The following KIAA1217 variants were observed in gnomAD, a reference collection of about 807,000 sequenced individuals.
KIAA1217 encodes the protein KIAA1217.
Under a neutral mutation model 163.9 loss-of-function variants are expected in KIAA1217, and 88 were observed. The observed-to-expected ratio is 0.54, with a 90% confidence interval of 0.45 to 0.64. KIAA1217 has a LOEUF of 0.64. Among genes scored for constraint, KIAA1217 ranks in the 30% least tolerant of loss-of-function variants. KIAA1217 has a pLI of 0.00. For synonymous variants in KIAA1217, 903 were observed against 923.1 expected, an observed-to-expected ratio of 0.98 and a Z score of 0.39; for missense variants, 2,372 against 2,475.0, an observed-to-expected ratio of 0.96 and a Z score of 0.88.
chr10:24,351,637 G>A (rs575484365), intron 2 of KIAA1217, among the ~76,000 whole-genome samples: 17 of 152,134 alleles, frequency 1.1e-4, no homozygotes, highest in Middle Eastern at 3.4e-3. Context: ...TTTTGCACCC[G>A]TTTTTTTCGT....
chr10:23,801,994 A>G (rs1836489610), intron 1 of KIAA1217, among the ~76,000 whole-genome samples: 1 of 152,226 alleles, frequency 6.6e-6, no homozygotes, highest in Admixed American at 6.5e-5. Flanking sequence ...AAATAGATCA[A>G]GAGCCTCCAA....
At chr10:24,205,285 C>T (rs1399437873), upstream of KIAA1217, among the ~76,000 whole-genome samples, 12 of 123,414 alleles carry the variant, frequency 9.7e-5, no homozygotes, top group Admixed American at 2.0e-4. Context: ...GGTGAAACCC[C>T]GTCTCTACTA....
At chr10:24,005,596 T>C (rs1048057376) in intron 1 of KIAA1217, among the ~76,000 whole-genome samples, 4 of 152,222 alleles carry the variant, frequency 2.6e-5, no homozygotes, top group Non-Finnish European at 5.9e-5. Flanking sequence ...GAAACTCACT[T>C]TCCTTTATAG....
rs1009424730 is a variant in KIAA1217 at position 24,036,182 on chromosome 10, G to A, written c.-171+28808G>A. Among the ~76,000 whole-genome samples the A allele has an allele frequency of 4.6e-5, 7 of 152,186 alleles. No homozygotes were observed. In the South Asian group the frequency reaches 8.3e-4, roughly 18 times the overall value. ...TCAGGCAGTTACAAAAGCAGAATCCGGGAGCTTTAGCAAAGGTTCAGAAAC... is the reference window on the plus strand; with the variant it reads ...TCAGGCAGTTACAAAAGCAGAATCCAGGAGCTTTAGCAAAGGTTCAGAAAC... On this transcript the variant is annotated intron_variant, in intron 2 of 18. Transcript: ENST00000376462.
chr10:23,793,954 A>G (rs1423313304), intron 1 of KIAA1217, among the ~76,000 whole-genome samples: 1 of 152,232 alleles, frequency 6.6e-6, no homozygotes, highest in Non-Finnish European at 1.5e-5. Flanking sequence ...CATTTTGACC[A>G]TTAATGTAAA....
chr10:23,775,688 T>C (rs932677021), intron 1 of KIAA1217, among the ~76,000 whole-genome samples: 1 of 152,248 alleles, frequency 6.6e-6, no homozygotes, highest in African/African-American at 2.4e-5. Flanking sequence ...ACTTCACTTA[T>C]GATGGACTAT....
chr10:24,320,386 G>A (rs1274338635), intron 2 of KIAA1217, among the ~76,000 whole-genome samples: 1 of 152,204 alleles, frequency 6.6e-6, no homozygotes, highest in Non-Finnish European at 1.5e-5. Context: ...GAACAATTAA[G>A]AATTTAGATC....
chr10:23,896,649 A>T (rs1841715875), intron 1 of KIAA1217, among the ~76,000 whole-genome samples: 1 of 152,090 alleles, frequency 6.6e-6, no homozygotes, highest in Admixed American at 6.6e-5. Context: ...CACTGCAGCC[A>T]GTTATTTTGA....
In KIAA1217 at chr10:23,790,321, A is replaced by ATATGCG. The variant is rs1238203539; in HGVS notation, c.-321+95087_-321+95088insTATGCG. 1.7e-4 allele frequency among the ~76,000 whole-genome samples: 2 copies of ATATGCG among 11,942 alleles called. 1 individual carries two copies. Among genetic ancestry groups the ATATGCG allele is most frequent in the African/African-American group, 3.9e-4 (2 of 5,188 alleles). The allele number at this position is 11,942 out of a possible 152,430, so 7.8% of individuals were successfully genotyped here. A position where few individuals can be genotyped will look rare whatever the true frequency, so the allele number is the denominator to read the frequency against. ...TGCACATATGCATATATACATATGC[A>ATATGCG]CATATGCATATATGCATATATACAT... is the stretch of plus-strand genomic sequence containing the variant. On this transcript the variant is annotated intron_variant, in intron 1 of 18. Coordinates refer to the KIAA1217 transcript ENST00000376462.
At chr10:24,014,053 G>C (rs1470650243) in intron 2 of KIAA1217, among the ~76,000 whole-genome samples, 1 of 152,114 alleles carries the variant, frequency 6.6e-6, no homozygotes, top group African/African-American at 2.4e-5. Flanking sequence ...CAGGCAGTAG[G>C]TGAGATACCA....
chr10:24,542,413 A>ACT, intron 17 of KIAA1217: 1 of 768,622 alleles, frequency 1.3e-6, no homozygotes, highest in Middle Eastern at 4.4e-4. Flanking sequence ...GTTAGTAATG[A>ACT]CTCTGTCCCT....
intron 2 of KIAA1217, among the ~76,000 whole-genome samples, chr10:24,140,483 G>T (rs1393138879): frequency 6.6e-6 from 1 of 152,112 alleles, no homozygotes; most frequent in East Asian, 1.9e-4. Flanking sequence ...AAGCACTATG[G>T]TACCTATACA....
At chr10:24,499,912 C>T (rs771793688) in intron 8 of KIAA1217, among the ~76,000 whole-genome samples, 14 of 152,104 alleles carry the variant, frequency 9.2e-5, no homozygotes, top group South Asian at 4.1e-4. Flanking sequence ...GACCATGGGG[C>T]GCCAGCAGCA....
intron 9 of KIAA1217, among the ~76,000 whole-genome samples, chr10:24,507,325 A>G (rs148033240): frequency 1.3e-5 from 2 of 152,328 alleles, no homozygotes; most frequent in African/African-American, 2.4e-5. Context: ...GACCTATAAC[A>G]TTAAGAAAAA....
intron 2 of KIAA1217, among the ~76,000 whole-genome samples, chr10:24,041,688 CAGG>C (rs1589275384): frequency 6.6e-6 from 1 of 152,130 alleles, no homozygotes; most frequent in Non-Finnish European, 1.5e-5. Context: ...CTGTAAACAG[CAGG>C]AGAAGTAATT....
intron 2 of KIAA1217, among the ~76,000 whole-genome samples, chr10:24,302,700 A>T (rs186473293): frequency 6.6e-6 from 1 of 152,278 alleles, no homozygotes; most frequent in African/African-American, 2.4e-5. Flanking sequence ...AAAATAAGAC[A>T]GTGTAAGGGA....
chr10:24,538,934 A>G (rs1020896165), intron 17 of KIAA1217, among the ~76,000 whole-genome samples: 9 of 151,696 alleles, frequency 5.9e-5, no homozygotes, highest in Non-Finnish European at 5.9e-5. Flanking sequence ...GGGTTTCACC[A>G]TCTTGGCCAG....
chr10:24,380,975 G>C lies in KIAA1217; in HGVS notation c.461G>C (p.Gly154Ala), dbSNP rs970873382. 1 of 1,608,182 alleles carries C rather than the reference G, an allele frequency of 6.2e-7. No individual in the cohort carries two copies. Among genetic ancestry groups the C allele is most frequent in the East Asian group, 2.2e-5 (1 of 44,564 alleles). The change falls in exon 3 of 21, where the codon GGG becomes GCG. Residue 154 changes from glycine (G) to alanine (A), a missense_variant. This residue lies in a region of KIAA1217 where 1,431 missense variants were observed against 1,470.3 expected (regional missense o/e 0.97). Coordinates refer to ENST00000376454, the MANE Select transcript of KIAA1217 (RefSeq NM_019590.5). Reference sequence around the variant, plus strand: ...GATTCTTTGGAAGCCATGTCTGAGGGGGATGCTCCAACCCCTTTTTCCAGA... The same window carrying C: ...GATTCTTTGGAAGCCATGTCTGAGGCGGATGCTCCAACCCCTTTTTCCAGA... ...SADSLEAMSE[G>A]DAPTPFSRGS...
intron 1 of KIAA1217, among the ~76,000 whole-genome samples, chr10:23,878,162 G>A (rs534026466): frequency 2.6e-5 from 4 of 151,866 alleles, no homozygotes; most frequent in Non-Finnish European, 5.9e-5. Flanking sequence ...GTTAGATCAT[G>A]GCAAGAAAAA....
Sources: allele counts gnomAD v4.1 joint callset (sites outside exome capture counted in the v4.1 genomes callset), GRCh38; gene constraint gnomAD v4.1.1; regional missense constraint gnomAD v4.1.1; transcripts MANE v1.5; gene names NCBI Gene and HGNC (gene_info 2026-07-23, HGNC 2026-07-21).